Variants in AFDN observed in about 807,000 individuals in gnomAD.
The protein encoded by AFDN is afadin.
A neutral mutation model predicts 216.6 loss-of-function variants in AFDN; 68 were observed. That is an observed-to-expected ratio of 0.31 (90% CI 0.26 to 0.38). AFDN has a LOEUF of 0.38. Among genes scored for constraint, AFDN ranks in the 10% least tolerant of loss-of-function variants. The pLI is 1.00. For missense variants in AFDN, 2,136 were observed against 2,342.0 expected (o/e 0.91, Z 1.82); for synonymous variants, 868 against 853.7 (o/e 1.02, Z -0.29).
chr6:167,839,388 A>G (rs754461737), intron 1 of AFDN, among the ~76,000 whole-genome samples: 1 of 151,732 alleles, frequency 6.6e-6, no homozygotes, highest in Non-Finnish European at 1.5e-5. Context: ...GCTTAGCCCT[A>G]TTAAAATTAT....
At chr6:167,956,078 G>A in intron 30 of AFDN, among the ~76,000 whole-genome samples, 1 of 123,544 alleles carries the variant, frequency 8.1e-6, no homozygotes, top group Admixed American at 1.1e-4. Context: ...TTGCACCACT[G>A]CACTCCAGCC....
intron 12 of AFDN, among the ~76,000 whole-genome samples, chr6:167,906,799 C>T (rs1789746322): frequency 6.6e-6 from 1 of 152,192 alleles, no homozygotes; most frequent in African/African-American, 2.4e-5. Flanking sequence ...GACCCTGCCT[C>T]TTCATGTTGT....
At chr6:167,923,685 C>T (rs921667442) in intron 22 of AFDN, among the ~76,000 whole-genome samples, 6 of 137,932 alleles carry the variant, frequency 4.3e-5, no homozygotes, top group East Asian at 2.2e-4. Context: ...AATGCAGTGG[C>T]GCGATTTGGC....
intron 23 of AFDN, among the ~76,000 whole-genome samples, chr6:167,940,009 A>G (rs1014987442): frequency 2.0e-5 from 3 of 152,258 alleles, no homozygotes; most frequent in African/African-American, 7.2e-5. Context: ...TTTGCCAACT[A>G]TCCCAGTCAT....
At chr6:167,879,436 T>C (rs1785837365) in intron 5 of AFDN, among the ~76,000 whole-genome samples, 2 of 152,188 alleles carry the variant, frequency 1.3e-5, no homozygotes, top group Admixed American at 6.5e-5. Context: ...CTAATCTAGC[T>C]CTCTTAAATT....
intron 6 of AFDN, among the ~76,000 whole-genome samples, chr6:167,882,616 G>C (rs571785053): frequency 6.6e-6 from 1 of 152,278 alleles, no homozygotes; most frequent in African/African-American, 2.4e-5. Flanking sequence ...TTGCATTCCA[G>C]CCTGGGCGAT....
At chr6:167,849,522 C>A (rs955941878) in intron 1 of AFDN, among the ~76,000 whole-genome samples, 7 of 152,112 alleles carry the variant, frequency 4.6e-5, no homozygotes, top group African/African-American at 1.4e-4. Context: ...GTTTTTGTTT[C>A]ATGGAACTTT....
At chr6:167,848,038 C>T (rs1284573319) in intron 1 of AFDN, among the ~76,000 whole-genome samples, 1 of 152,146 alleles carries the variant, frequency 6.6e-6, no homozygotes, top group Non-Finnish European at 1.5e-5. Flanking sequence ...ATGTTCTTTC[C>T]CTACAATTAG....
intron 4 of AFDN, among the ~76,000 whole-genome samples, chr6:167,873,943 G>A (rs569932175): frequency 1.1e-3 from 175 of 152,202 alleles, no homozygotes; most frequent in African/African-American, 3.6e-3. Context: ...ATCAAAAGGG[G>A]GTTTAGATAT....
intron 30 of AFDN, among the ~76,000 whole-genome samples, chr6:167,953,088 T>G (rs894454769): frequency 2.0e-5 from 3 of 152,254 alleles, no homozygotes; most frequent in Non-Finnish European, 4.4e-5. Flanking sequence ...TAGAGAATGC[T>G]ATTGACCATA....
At chr6:167,844,888 C>G (rs1338174521) in intron 1 of AFDN, among the ~76,000 whole-genome samples, 2 of 125,934 alleles carry the variant, frequency 1.6e-5, no homozygotes, top group Non-Finnish European at 3.1e-5. Flanking sequence ...GAGACAGGGT[C>G]TCACTCTGTC....
At chr6:167,914,549 T>C (rs1044223587) in intron 17 of AFDN, 95 bp from the exon 18 acceptor site, 2 of 986,622 alleles carry the variant, frequency 2.0e-6, no homozygotes, top group Admixed American at 5.1e-5. Flanking sequence ...ATGGAAAATA[T>C]TTTTTAAGAG....
chr6:167,870,907 G>A (rs2128248579), intron 3 of AFDN, among the ~76,000 whole-genome samples: 1 of 152,242 alleles, frequency 6.6e-6, no homozygotes, highest in South Asian at 2.1e-4. Context: ...ATTATGTGCA[G>A]GGTTAGGAAT....
rs370387921 is a variant in AFDN, at chr6:167,947,421, T to C, written c.3554-432T>C. On this transcript the variant is annotated intron_variant, in intron 27 of 33. Transcript: ENST00000683244. ...GTCTCGATCTCCTGACCTCGTGATC[T>C]GCCCGCCTTGGCCTCCCAAAGTGCT... Among the ~76,000 whole-genome samples the C allele has an allele frequency of 5.6e-3, 849 of 152,246 alleles. 10 individuals carry two copies. Among genetic ancestry groups the C allele is most frequent in the African/African-American group, 0.017 (700 of 41,554 alleles).
intron 29 of AFDN, 50 bp downstream of exon 29, chr6:167,948,528 C>T (rs199516334): frequency 1.7e-5 from 26 of 1,522,168 alleles, no homozygotes; most frequent in East Asian, 6.8e-5. Context: ...AAGGAGGACA[C>T]ACTGAGTTCT....
At position 167,925,894 on chromosome 6, in the gene AFDN, A is replaced by G. The variant is rs1792463552; in HGVS notation, c.3099+803A>G. 4.6e-5 allele frequency among the ~76,000 whole-genome samples: 7 copies of G among 152,216 alleles called. No homozygotes were observed. The South Asian group carries it at 1.4e-3, about 31-fold the overall frequency. ...GCTAATATTCAGTAACTAATGTTTC[A>G]GTCAACTTTGCTGATATTTTGCTTA... On this transcript the variant is annotated intron_variant, in intron 23 of 33. Transcript: ENST00000683244.
In AFDN at chr6:167,875,329, T is replaced by A; in HGVS notation, c.579-6T>A. 1.3e-6 allele frequency: 2 copies of A among 1,598,814 alleles called. No individual in the cohort carries two copies. Among genetic ancestry groups the A allele is most frequent in the South Asian group, 2.3e-5 (2 of 87,474 alleles). On this transcript the variant is annotated splice_region_variant and splice_polypyrimidine_tract_variant and intron_variant, in intron 4 of 33. Coordinates refer to ENST00000683244, the MANE Select transcript of AFDN (RefSeq NM_001386888.1). ...AAAATATTTTTGGTATTTTTTTTTC[T>A]TACAGTGAAAATTCTCGACTGGCTG...
Position 167,962,698 on chromosome 6 carries a change from A to C in AFDN, c.4968+131A>C. 6.5e-7 allele frequency: 1 copy of C among 1,544,798 alleles called. No individual in the cohort carries two copies. Among genetic ancestry groups the C allele is most frequent in the Non-Finnish European group, 8.7e-7 (1 of 1,145,662 alleles). On this transcript the variant is annotated intron_variant, in intron 31 of 33. Coordinates refer to ENST00000683244, the MANE Select transcript of AFDN (RefSeq NM_001386888.1). The surrounding 1 kb of genome is among the most constrained non-coding windows in gnomAD (Gnocchi z 5.2). ...AGGCAGAGCAGGGCCTGGCTCCCCC[A>C]GCTTTGTGATTGGACCTGCAACTTT...
intron 29 of AFDN, among the ~76,000 whole-genome samples, chr6:167,949,110 C>T (rs1339930951): frequency 1.3e-5 from 2 of 152,168 alleles, no homozygotes; most frequent in Admixed American, 6.5e-5. Context: ...CATTAGTAGA[C>T]GGGTGATGCC....
Sources: gnomAD v4.1 joint callset for allele counts (sites outside exome capture counted in the v4.1 genomes callset) on GRCh38, gnomAD v4.1.1 for gene constraint, Gnocchi (gnomAD v3.1) non-coding constraint, MANE v1.5 for transcripts, NCBI Gene and HGNC (gene_info 2026-07-23, HGNC 2026-07-21) for gene names.